The following ACSM4 variants were observed in gnomAD, a reference collection of about 807,000 sequenced individuals.
The protein encoded by ACSM4 is acyl-CoA synthetase medium chain family member 4.
ACSM4 carries 66 observed loss-of-function variants against 73.0 expected under a neutral mutation model. That is an observed-to-expected ratio of 0.90 (90% CI 0.74 to 1.11). ACSM4 has a LOEUF of 1.11. ACSM4 is among the 50% of genes least tolerant of loss of function. The pLI is 0.00. For missense variants in ACSM4, 645 were observed against 714.4 expected (o/e 0.90, Z 1.11); for synonymous variants, 222 against 254.0 (o/e 0.87, Z 1.20).
At position 7,305,899 on chromosome 12, in the gene ACSM4, G is replaced by A. The variant is rs370130114; in HGVS notation, c.202-634G>A. On this transcript the variant is annotated intron_variant, in intron 1 of 12. Coordinates refer to ENST00000399422, the MANE Select transcript of ACSM4 (RefSeq NM_001080454.2). ...GGCAAAGAGGTTTTGCAGTACAGAT[G>A]ACTCACTTTATAGAATGATGGGGAA... Among the ~76,000 whole-genome samples the A allele has an allele frequency of 2.0e-4, 31 of 152,288 alleles. 1 individual carries two copies. In the South Asian group the frequency reaches 6.4e-3, roughly 32 times the overall value.
chr12:7,317,751 A>G (rs1946432313), intron 4 of ACSM4, among the ~76,000 whole-genome samples: 1 of 152,220 alleles, frequency 6.6e-6, no homozygotes, highest in Non-Finnish European at 1.5e-5. Flanking sequence ...AACAACGCCT[A>G]GCACATTTCG....
In ACSM4 at chr12:7,305,403, C is replaced by T. The variant is rs891906354; in HGVS notation, c.201+871C>T. 2.6e-5 allele frequency among the ~76,000 whole-genome samples: 4 copies of T among 152,034 alleles called. No individual in the cohort carries two copies. The East Asian group carries it at 5.8e-4, about 22-fold the overall frequency. ...AAAAGTAAAAAGTGAGTCCATGTAG[C>T]GAAGTATACAAAATAAAGAAGAATA... On this transcript the variant is annotated intron_variant, in intron 1 of 12. Transcript: ENST00000399422.
In ACSM4 at chr12:7,322,420, A is replaced by G. The variant is rs1357523473; in HGVS notation, c.1004A>G (p.Tyr335Cys). The change falls in exon 7 of 13, where the codon TAT (tyrosine) becomes TGT (cysteine). Residue 335 changes from tyrosine (Y) to cysteine (C), a missense_variant and splice_region_variant. Transcript: ENST00000399422. ...RMLVQKDLKRYKFKSLRHCLT... is the reference protein window; with the variant it reads ...RMLVQKDLKRCKFKSLRHCLT... ...CCCATGCAACTCTGTCTCTCCAGATATAAATTCAAGAGTCTGCGGCACTGC... is the reference window on the plus strand; with the variant it reads ...CCCATGCAACTCTGTCTCTCCAGATGTAAATTCAAGAGTCTGCGGCACTGC... The G allele has an allele frequency of 6.2e-7, 1 of 1,613,752 alleles. No individual in the cohort carries two copies. The highest frequency in any genetic ancestry group is 8.5e-7 in the Non-Finnish European group (1 of 1,179,804).
At chr12:7,308,518 T>C (rs1243402680) in intron 2 of ACSM4, among the ~76,000 whole-genome samples, 1 of 152,212 alleles carries the variant, frequency 6.6e-6, no homozygotes, top group Non-Finnish European at 1.5e-5. Flanking sequence ...GCCTGAGATA[T>C]ATGCTATCTG....
At chr12:7,322,273 G>A (rs1416711154) in intron 6 of ACSM4, 145 bp from the exon 7 acceptor site, 5 of 1,101,976 alleles carry the variant, frequency 4.5e-6, no homozygotes, top group Non-Finnish European at 5.3e-6. Flanking sequence ...CAATATAGCA[G>A]GTGTTCAACA....
At chr12:7,308,612 G>A (rs1390493963) in intron 2 of ACSM4, among the ~76,000 whole-genome samples, 1 of 152,070 alleles carries the variant, frequency 6.6e-6, no homozygotes, top group African/African-American at 2.4e-5. Flanking sequence ...TCTACCAAGG[G>A]AGCTAATTAT....
At position 7,324,398 on chromosome 12, in the gene ACSM4, T is replaced by C; in HGVS notation, c.1434T>C (p.Ser478=). 1 of 1,614,108 alleles carries C rather than the reference T, an allele frequency of 6.2e-7. No homozygotes were observed. Among genetic ancestry groups the C allele is most frequent in the Non-Finnish European group, 8.5e-7 (1 of 1,179,986 alleles). Residue 478 remains serine, a splice_region_variant and synonymous_variant, in exon 10 of 13, where the codon TCT becomes TCC. Transcript: ENST00000399422. Reference sequence around the variant, plus strand: ...GAGCTGATGATGTCATTATATCCTCTGGGTTTGTATATTTGCCACTCTGAA... The same window carrying C: ...GAGCTGATGATGTCATTATATCCTCCGGGTTTGTATATTTGCCACTCTGAA... ...VGRADDVIIS[S]GYRIGPFEVE...
rs185659846 is a variant in ACSM4 at position 7,310,395 on chromosome 12, T to C, written c.413-144T>C. On this transcript the variant is annotated intron_variant, in intron 2 of 12. Transcript: ENST00000399422. ...GGATCTCTCAGGGATCAGGGTCCTG[T>C]GCAATATCCTTGGGCATCAAGGCAG... The C allele has an allele frequency of 3.2e-5, 24 of 758,530 alleles. No individual in the cohort carries two copies. In the Admixed American group the frequency reaches 4.4e-4, roughly 14 times the overall value. The allele number at this position is 758,530 out of a possible 1,614,324, so 47.0% of individuals were successfully genotyped here.
At chr12:7,313,136 C>T (rs1466563784) in intron 3 of ACSM4, among the ~76,000 whole-genome samples, 1 of 152,174 alleles carries the variant, frequency 6.6e-6, no homozygotes, top group Non-Finnish European at 1.5e-5. Context: ...TGCACACTCC[C>T]TGAGCAGCAA....
chr12:7,316,766 T>C (rs1397713803), intron 3 of ACSM4, among the ~76,000 whole-genome samples: 2 of 152,226 alleles, frequency 1.3e-5, no homozygotes, highest in Admixed American at 1.3e-4. Context: ...TTAATAGCAA[T>C]GTATGAAGAT....
chr12:7,326,123 C>G (rs755486674), intron 11 of ACSM4, among the ~76,000 whole-genome samples: 2 of 152,202 alleles, frequency 1.3e-5, no homozygotes, highest in African/African-American at 2.4e-5. Context: ...TTTGAAACAG[C>G]ATTTCAAAGA....
chr12:7,315,026 T>A (rs1946411331), intron 3 of ACSM4, among the ~76,000 whole-genome samples: 1 of 151,972 alleles, frequency 6.6e-6, no homozygotes, highest in Admixed American at 6.6e-5. Context: ...TGAAACCTCA[T>A]CTCTACTAAA....
At chr12:7,328,168 AG>A in intron 12 of ACSM4, 118 bp from the exon 13 acceptor site, 1 of 688,390 alleles carries the variant, frequency 1.5e-6, no homozygotes, top group South Asian at 1.9e-5. Flanking sequence ...CAATGAGCTT[AG>A]GCTAAGATAA....
At chr12:7,304,673 TC>T in intron 1 of ACSM4, 141 bp downstream of exon 1, 1 of 905,984 alleles carries the variant, frequency 1.1e-6, no homozygotes, top group Non-Finnish European at 1.7e-6. Context: ...CCAATTGCCC[TC>T]CCCTCTCCCC....
intron 2 of ACSM4, among the ~76,000 whole-genome samples, chr12:7,307,659 T>C (rs1946369331): frequency 6.6e-6 from 1 of 152,204 alleles, no homozygotes; most frequent in African/African-American, 2.4e-5. Context: ...TTTGTTCCAC[T>C]CTAGGACAGG....
At chr12:7,321,364 A>G (rs1266634158) in intron 6 of ACSM4, among the ~76,000 whole-genome samples, 2 of 152,246 alleles carry the variant, frequency 1.3e-5, no homozygotes, top group African/African-American at 4.8e-5. Context: ...ATATTTGTTT[A>G]ATTCAAACTC....
At chr12:7,323,766 A>G (rs1224147290) in intron 9 of ACSM4, among the ~76,000 whole-genome samples, 1 of 152,212 alleles carries the variant, frequency 6.6e-6, no homozygotes, top group East Asian at 1.9e-4. Flanking sequence ...CTCAGAAAGG[A>G]AAACCGGACA....
chr12:7,316,856 T>C (rs1442227423), intron 3 of ACSM4, among the ~76,000 whole-genome samples: 1 of 152,220 alleles, frequency 6.6e-6, no homozygotes, highest in African/African-American at 2.4e-5. Flanking sequence ...ATAAAATGCA[T>C]GTCTTTTGTT....
At chr12:7,316,962 T>G (rs1946424396) in intron 3 of ACSM4, among the ~76,000 whole-genome samples, 175 bp from the exon 4 acceptor site, 1 of 152,190 alleles carries the variant, frequency 6.6e-6, no homozygotes, top group African/African-American at 2.4e-5. Context: ...AGCACTGACC[T>G]TCAAAGTCCC....
Sources: allele counts gnomAD v4.1 joint callset (sites outside exome capture counted in the v4.1 genomes callset), GRCh38; gene constraint gnomAD v4.1.1; transcripts MANE v1.5; gene names NCBI Gene and HGNC (gene_info 2026-07-23, HGNC 2026-07-21).